LRRC71: variants seen among roughly 807,000 people sequenced by gnomAD.
The protein encoded by LRRC71 is leucine-rich repeat-containing protein 71.
A neutral mutation model predicts 66.6 loss-of-function variants in LRRC71; 54 were observed. That is an observed-to-expected ratio of 0.81 (90% CI 0.65 to 1.02). LRRC71 has a LOEUF of 1.02. Among genes scored for constraint, LRRC71 ranks in the 50% least tolerant of loss-of-function variants. The probability of loss-of-function intolerance (pLI) is 0.00; values close to 1 mark genes in which losing one functional copy is unlikely to be tolerated. For missense variants in LRRC71, 724 were observed against 718.0 expected, an observed-to-expected ratio of 1.01 and a Z score of -0.10; for synonymous variants, 323 against 303.9, an observed-to-expected ratio of 1.06 and a Z score of -0.65.
chr1:156,940,130 G>A, the LRRC71 span: 1 of 1,473,156 alleles, frequency 6.8e-7, no homozygotes, highest in Non-Finnish European at 9.1e-7. Flanking sequence ...GAAGGTGGAG[G>A]GTGCAGGCGC....
At chr1:156,925,227 G>A (rs1653016354) in intron 5 of LRRC71, among the ~76,000 whole-genome samples, 1 of 152,182 alleles carries the variant, frequency 6.6e-6, no homozygotes, top group South Asian at 2.1e-4. Context: ...AGCACCCAAA[G>A]AGCCTGATCT....
chr1:156,935,846 T>G (rs1391810552), downstream of LRRC71: 2 of 815,328 alleles, frequency 2.5e-6, no homozygotes, highest in Admixed American at 6.0e-5. Context: ...CCAAGCAACA[T>G]GCGGGTCTCC....
chr1:156,928,563 CTTTTTTTTTTTTT>C (rs58180096), intron 9 of LRRC71, among the ~76,000 whole-genome samples: 1 of 80,244 alleles, frequency 1.2e-5, no homozygotes, highest in Non-Finnish European at 2.3e-5. Context: ...CTTCTTCTTA[CTTTTTTTTTTTTT>C]TTTTTTTTTT....
downstream of LRRC71, chr1:156,936,302 C>T (rs1655104984): frequency 3.0e-6 from 2 of 676,444 alleles, no homozygotes; most frequent in Non-Finnish European, 5.6e-6. Flanking sequence ...TAGCTGTGTC[C>T]CTGGCCCACC....
In LRRC71 at chr1:156,927,774, C is replaced by T; in HGVS notation, c.864C>T (p.Ala288=). ...LNRSLLWLSL[A]HNRIQDKGAL... ...GTTCCCTGCTCTGGCTGTCCCTGGC[C>T]CACAACCGCATCCAGGACAAGGGCG... is the stretch of plus-strand genomic sequence containing the variant. Residue 288 remains alanine (A), a synonymous_variant, in exon 8 of 15, where the codon GCC becomes GCT. Transcript: ENST00000337428. 6.2e-7 allele frequency: 1 copy of T among 1,612,362 alleles called. No homozygotes were observed. Among genetic ancestry groups the T allele is most frequent in the African/African-American group, 1.3e-5 (1 of 75,036 alleles).
downstream of LRRC71, chr1:156,936,917 T>G: frequency 6.2e-7 from 1 of 1,614,110 alleles, no homozygotes; most frequent in Non-Finnish European, 8.5e-7. Flanking sequence ...TCTAGCTGCT[T>G]CTGTGTGGAA....
chr1:156,921,546 A>C (rs1652369552), intron 1 of LRRC71: 1 of 822,340 alleles, frequency 1.2e-6, no homozygotes, highest in Non-Finnish European at 1.5e-6. Context: ...GAAGTAAAAC[A>C]ACTTGGGAAA....
At chr1:156,937,506 C>T, downstream of LRRC71, 1 of 1,514,330 alleles carries the variant, frequency 6.6e-7, no homozygotes, top group South Asian at 1.3e-5. Context: ...CCTGTCCCCA[C>T]AGTAAGAGAA....
intron 11 of LRRC71, 49 bp downstream of exon 11, chr1:156,929,778 G>C (rs1444153361): frequency 1.3e-6 from 2 of 1,490,922 alleles, no homozygotes; most frequent in Non-Finnish European, 9.1e-7. Flanking sequence ...GAGGAGGGAA[G>C]AGTGCCGGGC....
rs535210458 is a variant in LRRC71, at chr1:156,925,049, A to T, written c.593+34A>T. ...ACTGGGAGGCCCCCTGTGCCTGGGAAGCCTGGCTGGGCGGGTGGTCAGAGG... is the reference window on the plus strand; with the variant it reads ...ACTGGGAGGCCCCCTGTGCCTGGGATGCCTGGCTGGGCGGGTGGTCAGAGG... On this transcript the variant is annotated intron_variant, in intron 5 of 14. Transcript: ENST00000337428. 161 of 1,547,798 alleles carry T rather than the reference A, an allele frequency of 1.0e-4. 1 individual carries two copies. The South Asian group carries it at 1.9e-3, about 18-fold the overall frequency.
In LRRC71 at chr1:156,929,749, G is replaced by C. The variant is rs367608825; in HGVS notation, c.1240+20G>C. The C allele has an allele frequency of 1.9e-6, 3 of 1,547,470 alleles. No homozygotes were observed. The highest frequency in any genetic ancestry group is 1.4e-5 in the African/African-American group (1 of 72,970). ...AGGGGAGTAAGTGCGGGTGCCCCTG[G>C]GTGGCATCTTCCTGTGTGGAGGAGG... On this transcript the variant is annotated intron_variant, in intron 11 of 14. Coordinates refer to ENST00000337428, the MANE Select transcript of LRRC71 (RefSeq NM_144702.3).
downstream of LRRC71, among the ~76,000 whole-genome samples, chr1:156,933,455 C>T (rs1265934487): frequency 6.6e-6 from 1 of 152,234 alleles, no homozygotes; most frequent in East Asian, 1.9e-4. Context: ...TGCCCGCTCC[C>T]TTCTGCTTCC....
chr1:156,938,407 A>T, the LRRC71 span: 1 of 1,611,006 alleles, frequency 6.2e-7, no homozygotes, highest in East Asian at 2.2e-5. Context: ...CTCCAAGGAG[A>T]AAGTTATTAC....
intron 9 of LRRC71, 37 bp downstream of exon 9, chr1:156,928,041 C>T (rs1248009032): frequency 6.5e-7 from 1 of 1,544,734 alleles, no homozygotes; most frequent in Non-Finnish European, 8.8e-7. Flanking sequence ...AGCCGAGAGC[C>T]CCTCTGACCC....
At chr1:156,922,229 G>T (rs1652501345) in intron 1 of LRRC71, among the ~76,000 whole-genome samples, 1 of 152,172 alleles carries the variant, frequency 6.6e-6, no homozygotes, top group Non-Finnish European at 1.5e-5. Context: ...GACCCCTCAA[G>T]GAGGCAGGGA....
downstream of LRRC71, among the ~76,000 whole-genome samples, chr1:156,936,497 AATATATAT>A (rs1553192804): frequency 7.4e-4 from 25 of 33,934 alleles, 1 homozygote; most frequent in African/African-American, 2.6e-3. Context: ...AAAAAAAAAA[AATATATAT>A]ATATATATAT....
downstream of LRRC71, chr1:156,935,829 G>A (rs1328669323): frequency 2.8e-6 from 2 of 704,270 alleles, no homozygotes; most frequent in Middle Eastern, 4.2e-4. Flanking sequence ...ACTCCGACTT[G>A]AGCAGACCAA....
the LRRC71 span, chr1:156,939,678 G>C: frequency 1.2e-5 from 19 of 1,614,064 alleles, no homozygotes; most frequent in African/African-American, 9.3e-5. Context: ...CCAGAGAACA[G>C]AGACCCATGT....
the LRRC71 span, chr1:156,939,525 C>T: frequency 6.2e-7 from 1 of 1,606,568 alleles, no homozygotes; most frequent in South Asian, 1.1e-5. Context: ...TGTCTCCCCA[C>T]TGGACACTCC....
Sources: allele counts gnomAD v4.1 joint callset (sites outside exome capture counted in the v4.1 genomes callset), GRCh38; gene constraint gnomAD v4.1.1; transcripts MANE v1.5; gene names NCBI Gene and HGNC (gene_info 2026-07-23, HGNC 2026-07-21).